Variants in ULK4 observed in about 807,000 individuals in gnomAD.
ULK4 encodes the protein unc-51 like kinase 4.
Under a neutral mutation model 160.6 loss-of-function variants are expected in ULK4, and 133 were observed. The ratio of observed to expected loss-of-function variants is 0.83; its 90% CI spans 0.72 to 0.96. The LOEUF (loss-of-function observed/expected upper bound fraction) is 0.96. ULK4 is among the 40% of genes least tolerant of loss of function. The probability of loss-of-function intolerance (pLI) is 0.00; values close to 1 mark genes in which losing one functional copy is unlikely to be tolerated. For synonymous variants in ULK4, 534 were observed against 539.8 expected (o/e 0.99, Z 0.15); for missense variants, 1,580 against 1,499.5 (o/e 1.05, Z -0.89).
chr3:41,551,117 T>C (rs1191305728), intron 32 of ULK4, among the ~76,000 whole-genome samples: 1 of 151,438 alleles, frequency 6.6e-6, no homozygotes, highest in Non-Finnish European at 1.5e-5. Context: ...CACCAAAACA[T>C]ATGGGATACA....
intron 35 of ULK4, among the ~76,000 whole-genome samples, chr3:41,272,127 G>A (rs1015745685): frequency 3.9e-5 from 6 of 151,950 alleles, no homozygotes; most frequent in Admixed American, 3.9e-4. Flanking sequence ...ATGTTGGCCA[G>A]GCTAGTCTCA....
chr3:41,689,297 C>T (rs1385291802), intron 27 of ULK4, among the ~76,000 whole-genome samples: 2 of 152,158 alleles, frequency 1.3e-5, no homozygotes, highest in Non-Finnish European at 2.9e-5. Flanking sequence ...TAGAATATAG[C>T]CCCTTTTTAA....
At chr3:41,772,692 A>G (rs2039438138) in intron 21 of ULK4, among the ~76,000 whole-genome samples, 1 of 152,188 alleles carries the variant, frequency 6.6e-6, no homozygotes, top group South Asian at 2.1e-4. Context: ...TCAATAGAAA[A>G]AGAGGGAATC....
At chr3:41,753,147 G>A (rs1030907215) in intron 22 of ULK4, among the ~76,000 whole-genome samples, 13 of 152,154 alleles carry the variant, frequency 8.5e-5, no homozygotes, top group Admixed American at 7.8e-4. Context: ...CCTGGTGTGG[G>A]GATCGAGGCT....
At chr3:41,949,495 C>T (rs13080944) in intron 2 of ULK4, among the ~76,000 whole-genome samples, 138,454 of 150,062 alleles carry the variant, frequency 0.92, 64,836 homozygotes, top group East Asian at 1. Context: ...CGCAATTACA[C>T]GATCTCAGCT....
intron 32 of ULK4, among the ~76,000 whole-genome samples, chr3:41,464,942 C>G (rs1476882032): frequency 1.3e-5 from 2 of 152,158 alleles, no homozygotes; most frequent in Admixed American, 6.5e-5. Context: ...TGAATGCAAT[C>G]AAATCCCTGC....
chr3:41,791,488 A>G (rs1297894142), intron 20 of ULK4, among the ~76,000 whole-genome samples: 1 of 152,240 alleles, frequency 6.6e-6, no homozygotes, highest in Non-Finnish European at 1.5e-5. Context: ...AAAGGTAAAT[A>G]TAACTCACAT....
chr3:41,543,118 A>G (rs571132739), intron 32 of ULK4, among the ~76,000 whole-genome samples: 2 of 152,166 alleles, frequency 1.3e-5, no homozygotes, highest in South Asian at 2.1e-4. Context: ...TTGCCCATCA[A>G]GTTTTCAGTG....
intron 32 of ULK4, among the ~76,000 whole-genome samples, chr3:41,546,420 C>G (rs80340681): frequency 0.061 from 9,251 of 152,152 alleles, 836 homozygotes; most frequent in African/African-American, 0.2. Flanking sequence ...TTTAGCTTTA[C>G]TCAGGTGCAT....
chr3:41,287,850 T>C (rs533204127), intron 35 of ULK4, among the ~76,000 whole-genome samples: 8 of 152,358 alleles, frequency 5.3e-5, no homozygotes, highest in Non-Finnish European at 1.2e-4. Context: ...TGTTCACAAA[T>C]GTTTAGCCCA....
At chr3:41,551,309 C>T (rs1238617873) in intron 32 of ULK4, among the ~76,000 whole-genome samples, 2 of 149,196 alleles carry the variant, frequency 1.3e-5, no homozygotes, top group Admixed American at 6.7e-5. Context: ...AAGAGAGAGG[C>T]AAAAAAGTAT....
chr3:41,776,377 ATTTTC>A (rs963135794), intron 21 of ULK4, among the ~76,000 whole-genome samples: 1 of 150,544 alleles, frequency 6.6e-6, no homozygotes, highest in African/African-American at 2.5e-5. Context: ...AGTTATGTAA[ATTTTC>A]TTTTAAGTTT....
At chr3:41,576,834 T>C (rs2088206269) in intron 31 of ULK4, among the ~76,000 whole-genome samples, 1 of 152,178 alleles carries the variant, frequency 6.6e-6, no homozygotes, top group Non-Finnish European at 1.5e-5. Context: ...ATGGAAAACA[T>C]ATACTCCTAA....
chr3:41,793,181 A>C (rs1303376259), intron 20 of ULK4, among the ~76,000 whole-genome samples: 1 of 74,546 alleles, frequency 1.3e-5, no homozygotes, highest in African/African-American at 1.2e-4. Flanking sequence ...CTCAAAAAAA[A>C]AACCAACAAA....
At chr3:41,764,560 G>C (rs745406923) in intron 21 of ULK4, among the ~76,000 whole-genome samples, 13 of 152,166 alleles carry the variant, frequency 8.5e-5, no homozygotes, top group Admixed American at 1.3e-4. Flanking sequence ...GCAAGACCCT[G>C]TCTCTACAAA....
At chr3:41,455,705 AC>A in intron 33 of ULK4, 110 bp from the exon 34 acceptor site, 1 of 857,230 alleles carries the variant, frequency 1.2e-6, no homozygotes, top group South Asian at 1.5e-5. Flanking sequence ...GAAGCATTCT[AC>A]CTCAGTTCCC....
intron 33 of ULK4, among the ~76,000 whole-genome samples, chr3:41,456,469 T>C (rs561878251): frequency 6.6e-6 from 1 of 152,346 alleles, no homozygotes; most frequent in South Asian, 2.1e-4. Context: ...TTGTCCAACA[T>C]ATCATTGCAT....
chr3:41,564,960 C>T (rs779092437), intron 32 of ULK4, among the ~76,000 whole-genome samples: 1 of 152,124 alleles, frequency 6.6e-6, no homozygotes, highest in East Asian at 1.9e-4. Context: ...TCTTTTATAT[C>T]ATATGTTTGC....
Position 41,910,182 on chromosome 3 carries a change from T to C in ULK4, c.1085+1135A>G, listed in dbSNP as rs538389575. 2.0e-5 allele frequency among the ~76,000 whole-genome samples: 3 copies of C among 152,310 alleles called. No individual in the cohort carries two copies. The East Asian group carries it at 5.8e-4, about 29-fold the overall frequency. On this transcript the variant is annotated intron_variant, in intron 11 of 36. Transcript: ENST00000301831. ...AAGTGCTGGGATTACAGGCGTGAGCTACTGAGCCCGGTCCATACTACAAAA... is the reference window on the plus strand; with the variant it reads ...AAGTGCTGGGATTACAGGCGTGAGCCACTGAGCCCGGTCCATACTACAAAA...
Sources: gnomAD v4.1 joint callset for allele counts (sites outside exome capture counted in the v4.1 genomes callset) on GRCh38, gnomAD v4.1.1 for gene constraint, MANE v1.5 for transcripts, NCBI Gene and HGNC (gene_info 2026-07-23, HGNC 2026-07-21) for gene names.